TTC39A: variants seen among roughly 807,000 people sequenced by gnomAD.
TTC39A encodes the protein tetratricopeptide repeat domain 39A.
In TTC39A, 46 loss-of-function variants were observed where a neutral mutation model predicts 82.3. The ratio of observed to expected loss-of-function variants is 0.56; its 90% confidence interval spans 0.44 to 0.71. The LOEUF (loss-of-function observed/expected upper bound fraction) is 0.71, where lower values mean the gene tolerates loss of function less well. Among genes scored for constraint, TTC39A ranks in the 30% least tolerant of loss-of-function variants. The probability of loss-of-function intolerance (pLI) is 0.00; values close to 1 mark genes in which losing one functional copy is unlikely to be tolerated. For synonymous variants in TTC39A, 254 were observed against 275.2 expected (o/e 0.92, Z 0.76); for missense variants, 543 against 712.9 (o/e 0.76, Z 2.71).
intron 2 of TTC39A, among the ~76,000 whole-genome samples, chr1:51,320,316 C>T (rs71651187): frequency 0.01 from 1,577 of 152,012 alleles, 22 homozygotes; most frequent in Admixed American, 0.019. Context: ...GAAATAGTCT[C>T]GCACATGATT....
Position 51,322,989 on chromosome 1 carries a change from C to A in TTC39A, c.42-1164G>T, listed in dbSNP as rs966794060. Reference sequence around the variant, plus strand: ...GTTCATTCTCCCAATCTGTTCTCCCCCAGTCTTTGCCTTTCTTTTTTTTGG... The same window carrying A: ...GTTCATTCTCCCAATCTGTTCTCCCACAGTCTTTGCCTTTCTTTTTTTTGG... On this transcript the variant is annotated intron_variant, in intron 1 of 17. Coordinates refer to ENST00000680483, the MANE Select transcript of TTC39A (RefSeq NM_001297663.2). Among the ~76,000 whole-genome samples the A allele has an allele frequency of 2.0e-5, 3 of 152,190 alleles. No homozygotes were observed. In the South Asian group the frequency reaches 6.2e-4, roughly 32 times the overall value.
chr1:51,329,106 G>A (rs1645816997), intron 1 of TTC39A, among the ~76,000 whole-genome samples: 2 of 152,236 alleles, frequency 1.3e-5, no homozygotes, highest in Admixed American at 1.3e-4. Context: ...GGCCAGAGGT[G>A]CCCGGGGTTG....
chr1:51,334,285 C>T (rs927372528), upstream of TTC39A, among the ~76,000 whole-genome samples: 9 of 151,832 alleles, frequency 5.9e-5, no homozygotes, highest in African/African-American at 2.2e-4. Flanking sequence ...GGGCGGATCA[C>T]CTGAGGTCAG....
Position 51,294,309 on chromosome 1 carries a change from C to T in TTC39A, c.1266+82G>A. The T allele has an allele frequency of 6.3e-7, 1 of 1,596,342 alleles. No homozygotes were observed. The highest frequency in any genetic ancestry group is 1.3e-5 in the African/African-American group (1 of 74,696). ...AGGCATGAAGGTCTTTCTCCTCATCCACCTCCCCCTGGCTGTGGCTCTCAG... is the reference window on the plus strand; with the variant it reads ...AGGCATGAAGGTCTTTCTCCTCATCTACCTCCCCCTGGCTGTGGCTCTCAG... On this transcript the variant is annotated intron_variant, in intron 14 of 17. Transcript: ENST00000680483. This position sits in a 1 kb window ranked among gnomAD's most constrained non-coding sequence, Gnocchi z 4.3.
chr1:51,331,846 G>A, upstream of TTC39A: 4 of 982,714 alleles, frequency 4.1e-6, no homozygotes, highest in Non-Finnish European at 4.8e-6. Flanking sequence ...CTTCCTGGAA[G>A]AGGTGGTGAC....
intron 6 of TTC39A, among the ~76,000 whole-genome samples, chr1:51,307,934 A>G (rs1160646717): frequency 1.3e-5 from 2 of 152,060 alleles, no homozygotes; most frequent in African/African-American, 4.8e-5. Flanking sequence ...CTGTAAAAGT[A>G]AAACTTTATT....
At chr1:51,306,136 G>T in intron 6 of TTC39A, 60 bp from the exon 7 acceptor site, 5 of 1,419,322 alleles carry the variant, frequency 3.5e-6, no homozygotes, top group South Asian at 1.2e-5. Context: ...TAGGGGCTGG[G>T]ACCCCTTCCA....
In TTC39A at chr1:51,288,343, G is replaced by A. The variant is rs1351187980; in HGVS notation, c.1611-63C>T. The A allele has an allele frequency of 1.3e-5, 21 of 1,609,448 alleles. No homozygotes were observed. Among genetic ancestry groups the A allele is most frequent in the Non-Finnish European group, 1.7e-5 (20 of 1,177,446 alleles). On this transcript the variant is annotated intron_variant, in intron 17 of 17. Coordinates refer to ENST00000680483, the MANE Select transcript of TTC39A (RefSeq NM_001297663.2). The surrounding 1 kb of genome is among the most constrained non-coding windows in gnomAD (Gnocchi z 4.8). ...TGCTCCCAGAGATGCTTTTCCTCCT[G>A]TTTGAGCTGTATGAGCCCCGCGAGC...
chr1:51,311,440 G>A, intron 4 of TTC39A, 119 bp from the exon 5 acceptor site: 1 of 836,344 alleles, frequency 1.2e-6, no homozygotes, highest in Non-Finnish European at 1.9e-6. Context: ...CACCTCTCCT[G>A]TCCCCTACCT....
chr1:51,343,123 C>T, intron 1 of TTC39A: 1 of 454,944 alleles, frequency 2.2e-6, no homozygotes, highest in Non-Finnish European at 4.4e-6. Flanking sequence ...TCGTGCTCCT[C>T]AGAAATCATC....
chr1:51,303,235 G>A (rs1459643929), intron 8 of TTC39A, 43 bp from the exon 9 acceptor site: 2 of 1,507,240 alleles, frequency 1.3e-6, no homozygotes, highest in East Asian at 2.5e-5. Flanking sequence ...GAGAGGGCAG[G>A]GGCCTGGGAG....
chr1:51,297,901 A>C (rs1365565354), intron 12 of TTC39A: 1 of 152,614 alleles, frequency 6.6e-6, no homozygotes, highest in African/African-American at 2.4e-5. Context: ...CAGCCACACG[A>C]CGGCCTCAGG....
chr1:51,299,151 C>G (rs550491543), intron 12 of TTC39A: 1 of 152,196 alleles, frequency 6.6e-6, no homozygotes, highest in Admixed American at 6.5e-5. Flanking sequence ...ACTTAGGCCT[C>G]GGAACCTGGC....
Position 51,302,385 on chromosome 1 carries a change from A to G in TTC39A, c.863T>C (p.Ile288Thr), listed in dbSNP as rs777282606. The change falls in exon 11 of 18, where the codon ATT (isoleucine) becomes ACT (threonine). Residue 288 changes from isoleucine (I) to threonine (T), a missense_variant. Coordinates refer to ENST00000680483, the MANE Select transcript of TTC39A (RefSeq NM_001297663.2). ...GAIFLFFAGR[I>T]EVIKGNIDAA... is the part of the protein sequence containing the mutation. ...ATCAATGTTGCCTTTAATGACTTCA[A>G]TCCTCCCTGCAAAGAACAGGAAGAT... The G allele has an allele frequency of 9.9e-6, 16 of 1,609,190 alleles. No individual in the cohort carries two copies. The highest frequency in any genetic ancestry group is 8.9e-5 in the East Asian group (4 of 44,770).
At chr1:51,326,612 C>T (rs939213967) in intron 1 of TTC39A, among the ~76,000 whole-genome samples, 2 of 152,190 alleles carry the variant, frequency 1.3e-5, no homozygotes, top group Non-Finnish European at 2.9e-5. Context: ...CAGCAGGCAC[C>T]CTTATCTGTC....
intron 4 of TTC39A, 123 bp from the exon 5 acceptor site, chr1:51,311,444 C>A (rs1032052281): frequency 5.0e-6 from 4 of 795,806 alleles, no homozygotes; most frequent in South Asian, 3.6e-5. Context: ...TCTCCTGTCC[C>A]CTACCTCGTC....
intron 6 of TTC39A, among the ~76,000 whole-genome samples, chr1:51,307,974 T>G (rs1486136818): frequency 6.6e-6 from 1 of 152,150 alleles, no homozygotes; most frequent in Non-Finnish European, 1.5e-5. Context: ...GCTTCATATC[T>G]ATCCTTAGCC....
upstream of TTC39A, among the ~76,000 whole-genome samples, chr1:51,334,133 T>G (rs554584212): frequency 7.2e-6 from 1 of 139,500 alleles, no homozygotes; most frequent in African/African-American, 2.7e-5. Flanking sequence ...CCAAAGCAGG[T>G]GGATTGCATG....
Position 51,309,839 on chromosome 1 carries a change from G to A in TTC39A, c.424-514C>T, listed in dbSNP as rs565912395. On this transcript the variant is annotated intron_variant, in intron 5 of 17. Transcript: ENST00000680483. ...GCAGAAGGACAGATAAACAAACTGC[G>A]GTGTGTTCATGCAAGGGAATAACAC... Among the ~76,000 whole-genome samples the A allele has an allele frequency of 5.3e-5, 8 of 152,150 alleles. No individual in the cohort carries two copies. In the South Asian group the frequency reaches 8.3e-4, roughly 16 times the overall value.
Sources: allele counts gnomAD v4.1 joint callset (sites outside exome capture counted in the v4.1 genomes callset), GRCh38; gene constraint gnomAD v4.1.1; non-coding constraint Gnocchi (gnomAD v3.1); transcripts MANE v1.5; gene names NCBI Gene and HGNC (gene_info 2026-07-23, HGNC 2026-07-21).